Variants in MAP3K5 observed in about 807,000 individuals in gnomAD.
MAP3K5 encodes the protein ASK-1.
Under a neutral mutation model 158.7 loss-of-function variants are expected in MAP3K5, and 56 were observed. The observed-to-expected ratio is 0.35, with a 90% CI of 0.28 to 0.44. The LOEUF is 0.44. Ranked by LOEUF, MAP3K5 falls within the 20% of genes least tolerant of loss-of-function variation. The pLI is 1.00. For missense variants in MAP3K5, 1,294 were observed against 1,674.8 expected (o/e 0.77, Z 3.97); for synonymous variants, 579 against 601.7 (o/e 0.96, Z 0.55).
intron 14 of MAP3K5, among the ~76,000 whole-genome samples, chr6:136,629,750 G>C (rs1306964593): frequency 1.3e-5 from 2 of 149,654 alleles, no homozygotes; most frequent in Non-Finnish European, 3.0e-5. Flanking sequence ...CATGGCGCCC[G>C]GCCATATCTC....
At chr6:136,732,331 T>TGAA in intron 1 of MAP3K5, among the ~76,000 whole-genome samples, 1 of 152,224 alleles carries the variant, frequency 6.6e-6, no homozygotes, top group South Asian at 2.1e-4. Flanking sequence ...AGGCTGAGGC[T>TGAA]GAAGAATCAC....
chr6:136,695,868 G>A (rs1583432773), intron 6 of MAP3K5, 83 bp downstream of exon 6: 2 of 751,186 alleles, frequency 2.7e-6, no homozygotes, highest in Non-Finnish European at 4.5e-6. Context: ...TTGCAATGCT[G>A]CAGTGAACAC....
chr6:136,612,767 G>C (rs1776399602), intron 17 of MAP3K5, among the ~76,000 whole-genome samples: 1 of 151,768 alleles, frequency 6.6e-6, no homozygotes, highest in Non-Finnish European at 1.5e-5. Context: ...AGCTACTATG[G>C]GCAAGGATAC....
chr6:136,762,497 G>A (rs909290092), intron 1 of MAP3K5, among the ~76,000 whole-genome samples: 1 of 152,168 alleles, frequency 6.6e-6, no homozygotes, highest in Non-Finnish European at 1.5e-5. Context: ...TCAGCAATGG[G>A]CAGCATCAGA....
chr6:136,565,908 C>T (rs148683763), intron 26 of MAP3K5, among the ~76,000 whole-genome samples: 58 of 152,228 alleles, frequency 3.8e-4, no homozygotes, highest in Non-Finnish European at 7.4e-4. Flanking sequence ...TTCACAGACT[C>T]AAATGTAAAT....
chr6:136,675,252 TA>T (rs1360647660), intron 7 of MAP3K5, among the ~76,000 whole-genome samples: 3 of 152,024 alleles, frequency 2.0e-5, no homozygotes, highest in Admixed American at 2.0e-4. Context: ...GTAGAGATCT[TA>T]AAACACTTTC....
At chr6:136,620,058 G>A (rs1010735908) in intron 15 of MAP3K5, among the ~76,000 whole-genome samples, 2 of 152,026 alleles carry the variant, frequency 1.3e-5, no homozygotes, top group Non-Finnish European at 2.9e-5. Context: ...TCACTTGAGG[G>A]CAGGAGTTCG....
At chr6:136,644,453 C>T (rs1778146778) in intron 11 of MAP3K5, among the ~76,000 whole-genome samples, 1 of 152,214 alleles carries the variant, frequency 6.6e-6, no homozygotes, top group Non-Finnish European at 1.5e-5. Context: ...CAACAGGCCT[C>T]AAACCAACAC....
At chr6:136,645,508 C>T (rs935893286) in intron 11 of MAP3K5, among the ~76,000 whole-genome samples, 1 of 152,076 alleles carries the variant, frequency 6.6e-6, no homozygotes, top group Non-Finnish European at 1.5e-5. Context: ...AAACTTCAAC[C>T]CCCAAAAGGG....
chr6:136,589,395 C>T (rs939010342), intron 23 of MAP3K5, among the ~76,000 whole-genome samples: 1 of 152,148 alleles, frequency 6.6e-6, no homozygotes, highest in Non-Finnish European at 1.5e-5. Flanking sequence ...AGTGTCATAC[C>T]AGGGACTGAG....
At position 136,622,922 on chromosome 6, in the gene MAP3K5, C is replaced by T. The variant is rs755908384; in HGVS notation, c.2076G>A (p.Gly692=). ...DRVVLGKGTY[G]IVYAGRDLSN... is the part of the protein sequence containing the mutation. ...TCAAGTCCCGACCTGCGTAGACTAT[C>T]CCATAAGTGCCTTTTCCTAAAACGA... The change falls in exon 15 of 30, where the codon GGG becomes GGA. Residue 692 remains glycine (G), a synonymous_variant. Transcript: ENST00000359015. The T allele has an allele frequency of 1.7e-5, 28 of 1,613,510 alleles. No individual in the cohort carries two copies. Among genetic ancestry groups the T allele is most frequent in the South Asian group, 9.9e-5 (9 of 91,084 alleles).
intron 8 of MAP3K5, among the ~76,000 whole-genome samples, chr6:136,667,664 C>T (rs1427722293): frequency 6.6e-6 from 1 of 151,998 alleles, no homozygotes; most frequent in Non-Finnish European, 1.5e-5. Context: ...GCCTGGGCAA[C>T]ATGGCAAAAC....
intron 2 of MAP3K5, among the ~76,000 whole-genome samples, chr6:136,709,438 A>G (rs1010025440): frequency 6.6e-6 from 1 of 152,074 alleles, no homozygotes; most frequent in Non-Finnish European, 1.5e-5. Context: ...AAGGGCTCTC[A>G]TAGTCAGTCT....
At chr6:136,644,342 G>C (rs1165033432) in intron 11 of MAP3K5, among the ~76,000 whole-genome samples, 4 of 152,314 alleles carry the variant, frequency 2.6e-5, no homozygotes, top group Middle Eastern at 3.4e-3. Flanking sequence ...AGGAGGCGCT[G>C]ATGAGCTGTA....
At chr6:136,755,844 GAAGC>G (rs1251521190) in intron 1 of MAP3K5, among the ~76,000 whole-genome samples, 1 of 152,056 alleles carries the variant, frequency 6.6e-6, no homozygotes, top group African/African-American at 2.4e-5. Flanking sequence ...AGATGAATAA[GAAGC>G]AAGGAGTCAA....
rs911627891 is a variant in MAP3K5 at position 136,679,034 on chromosome 6, G to A, written c.1254-9639C>T. 7.9e-5 allele frequency among the ~76,000 whole-genome samples: 12 copies of A among 152,222 alleles called. 1 individual carries two copies. The South Asian group carries it at 2.1e-3, about 26-fold the overall frequency. ...AGCCACTGCACCCAGCCAAAAGGGG[G>A]CAAATAATTTGCACTATTTAATTCA... On this transcript the variant is annotated intron_variant, in intron 7 of 29. Transcript: ENST00000359015.
At chr6:136,780,107 C>T (rs762010388) in intron 1 of MAP3K5, among the ~76,000 whole-genome samples, 7 of 152,178 alleles carry the variant, frequency 4.6e-5, no homozygotes, top group South Asian at 2.1e-4. Context: ...GAGGGCTGGG[C>T]TTAGTGCAGC....
chr6:136,642,019 TAAAATAAAATA>T (rs1360626281), intron 12 of MAP3K5, among the ~76,000 whole-genome samples: 16 of 103,906 alleles, frequency 1.5e-4, no homozygotes, highest in African/African-American at 6.1e-4. Context: ...ATAAAATAAA[TAAAATAAAATA>T]AAAATAAAAT....
intron 19 of MAP3K5, among the ~76,000 whole-genome samples, chr6:136,604,172 A>C (rs1010678416): frequency 2.0e-5 from 3 of 152,094 alleles, no homozygotes; most frequent in Admixed American, 6.5e-5. Context: ...AATATAAAAA[A>C]TTAGCTGGGT....
Sources: allele counts gnomAD v4.1 joint callset (sites outside exome capture counted in the v4.1 genomes callset), GRCh38; gene constraint gnomAD v4.1.1; transcripts MANE v1.5; gene names NCBI Gene and HGNC (gene_info 2026-07-23, HGNC 2026-07-21).